The following HOOK3 variants were observed in gnomAD, a reference collection of about 807,000 sequenced individuals.
HOOK3 encodes the protein protein Hook homolog 3.
HOOK3 carries 24 observed loss-of-function variants against 116.3 expected under a neutral mutation model. The observed-to-expected ratio is 0.21, with a 90% confidence interval of 0.15 to 0.29. The LOEUF (loss-of-function observed/expected upper bound fraction) is 0.29, where lower values mean the gene tolerates loss of function less well. Among genes scored for constraint, HOOK3 ranks in the 10% least tolerant of loss-of-function variants. The probability of loss-of-function intolerance (pLI) is 1.00; values close to 1 mark genes in which losing one functional copy is unlikely to be tolerated. For synonymous variants in HOOK3, 275 were observed against 283.0 expected (o/e 0.97, Z 0.28); for missense variants, 632 against 830.2 (o/e 0.76, Z 2.93).
At chr8:42,956,046 A>G (rs1236026640) in intron 6 of HOOK3, among the ~76,000 whole-genome samples, 3 of 152,210 alleles carry the variant, frequency 2.0e-5, no homozygotes, top group Non-Finnish European at 2.9e-5. Flanking sequence ...ACATCCCCAC[A>G]TTACTGATTG....
chr8:42,925,670 A>G (rs773689140), intron 3 of HOOK3, 41 bp downstream of exon 3: 1 of 1,316,122 alleles, frequency 7.6e-7, no homozygotes, highest in Non-Finnish European at 1.1e-6. Flanking sequence ...AAATATTTGT[A>G]TGTGTATAAT....
intron 6 of HOOK3, 66 bp from the exon 7 acceptor site, chr8:42,957,023 CTTATG>C (rs1397845373): frequency 2.0e-5 from 15 of 757,126 alleles, no homozygotes; most frequent in Admixed American, 2.6e-5. Context: ...TATTCATTTT[CTTATG>C]TTAAGTATTT....
At chr8:42,934,358 G>A (rs1807925745) in intron 4 of HOOK3, among the ~76,000 whole-genome samples, 1 of 151,844 alleles carries the variant, frequency 6.6e-6, no homozygotes. Flanking sequence ...TTATCTCTAT[G>A]AGAATATTAA....
chr8:42,978,740 G>A (rs1354163203), intron 13 of HOOK3, among the ~76,000 whole-genome samples: 1 of 151,982 alleles, frequency 6.6e-6, no homozygotes, highest in Non-Finnish European at 1.5e-5. Flanking sequence ...ATAGAGAAGG[G>A]GTTTCATCAT....
chr8:43,012,511 A>G (rs1809632476), intron 19 of HOOK3, among the ~76,000 whole-genome samples: 1 of 152,224 alleles, frequency 6.6e-6, no homozygotes, highest in South Asian at 2.1e-4. Flanking sequence ...GGTTCTTTAT[A>G]TAAGTAAAAA....
In HOOK3 at chr8:43,019,253, T is replaced by C. The variant is rs1809774597; in HGVS notation, c.*755T>C. On this transcript the variant is annotated 3_prime_UTR_variant, in exon 22 of 22. Transcript: ENST00000307602. ...GGATAAATTACAAAAGAAAAAAAATTAGACACTGCATTAATTTCTTGTTCT... is the reference window on the plus strand; with the variant it reads ...GGATAAATTACAAAAGAAAAAAAATCAGACACTGCATTAATTTCTTGTTCT... 4.7e-6 allele frequency: 1 copy of C among 213,048 alleles called. No homozygotes were observed. Among genetic ancestry groups the C allele is most frequent in the Non-Finnish European group, 9.5e-6 (1 of 105,604 alleles). 13.2% of individuals were successfully genotyped at this position (213,048 alleles called of 1,614,324 possible).
chr8:42,959,634 G>A (rs1290404362), intron 8 of HOOK3, among the ~76,000 whole-genome samples: 1 of 146,858 alleles, frequency 6.8e-6, no homozygotes. Context: ...CAGGAGAATT[G>A]CTTGAACCTG....
intron 19 of HOOK3, among the ~76,000 whole-genome samples, chr8:43,011,722 T>C (rs982586923): frequency 1.3e-5 from 2 of 151,918 alleles, no homozygotes; most frequent in African/African-American, 4.8e-5. Context: ...AAAAAAAGTT[T>C]TAAAAAATTA....
chr8:42,957,960 G>A (rs1161502955), intron 7 of HOOK3, among the ~76,000 whole-genome samples: 1 of 151,596 alleles, frequency 6.6e-6, no homozygotes, highest in Non-Finnish European at 1.5e-5. Context: ...CTCCCAAGTA[G>A]CTGGGACTAC....
At chr8:42,953,842 C>G (rs1184462335) in intron 6 of HOOK3, among the ~76,000 whole-genome samples, 1 of 152,076 alleles carries the variant, frequency 6.6e-6, no homozygotes. Context: ...TAAAAAGAAA[C>G]AGAGAGTTTG....
In HOOK3 at chr8:42,986,650, T is replaced by C; in HGVS notation, c.1392-5T>C. 6.2e-7 allele frequency: 1 copy of C among 1,606,934 alleles called. No individual in the cohort carries two copies. Among genetic ancestry groups the C allele is most frequent in the South Asian group, 1.1e-5 (1 of 89,922 alleles). ...TAATATTTAGTTTTTATTTTGTTCATTCAGGGAGAAACTTATTCGTCTTCA... is the reference window on the plus strand; with the variant it reads ...TAATATTTAGTTTTTATTTTGTTCACTCAGGGAGAAACTTATTCGTCTTCA... On this transcript the variant is annotated splice_region_variant and splice_polypyrimidine_tract_variant and intron_variant, in intron 14 of 21. Transcript: ENST00000307602.
chr8:42,969,914 T>G (rs1808696899), intron 11 of HOOK3, among the ~76,000 whole-genome samples: 1 of 152,240 alleles, frequency 6.6e-6, no homozygotes, highest in South Asian at 2.1e-4. Context: ...CTATGACTTG[T>G]CCTTTTACTT....
intron 15 of HOOK3, among the ~76,000 whole-genome samples, chr8:42,996,729 CT>C (rs1809276445): frequency 1.3e-5 from 2 of 152,076 alleles, no homozygotes; most frequent in African/African-American, 4.8e-5. Context: ...TTGTTCTAGT[CT>C]CATTTCAAGC....
intron 13 of HOOK3, among the ~76,000 whole-genome samples, chr8:42,974,765 G>A (rs1456011957): frequency 6.6e-6 from 1 of 152,196 alleles, no homozygotes; most frequent in Non-Finnish European, 1.5e-5. Flanking sequence ...GCGCAAAAAG[G>A]GGAAGAGGAA....
chr8:42,964,516 T>C, intron 9 of HOOK3, 42 bp downstream of exon 9: 1 of 1,582,880 alleles, frequency 6.3e-7, no homozygotes, highest in Non-Finnish European at 8.6e-7. Context: ...AAAAATTTGT[T>C]AGCTGTCATT....
In HOOK3 at chr8:42,897,171, G is replaced by A; in HGVS notation, c.40G>A (p.Glu14Lys). ...GTCGCTGGAGCGGGCGGAGCTGTGC[G>A]AGAGCCTCCTCACTTGGGTACGTGG... ...VESLERAELC[E>K]SLLTWIQTFN... The change falls in exon 1 of 22, where the codon GAG (glutamate) becomes AAG (lysine). Residue 14 changes from glutamate (E) to lysine (K), a missense_variant. Around this residue, in one of 3 missense-constraint regions of HOOK3, gnomAD observed 141 missense variants for 150.8 expected, o/e 0.93. Transcript: ENST00000307602. 6.4e-6 allele frequency: 8 copies of A among 1,248,690 alleles called. 1 individual carries two copies. In the South Asian group the frequency reaches 3.2e-4, roughly 50 times the overall value. The allele number at this position is 1,248,690 out of a possible 1,614,324, so 77.4% of individuals were successfully genotyped here.
intron 11 of HOOK3, 134 bp from the exon 12 acceptor site, chr8:42,973,155 G>A (rs1428282760): frequency 5.3e-6 from 5 of 941,902 alleles, no homozygotes; most frequent in African/African-American, 1.7e-5. Context: ...TCTCTCCACT[G>A]TGTTAGACTG....
intron 4 of HOOK3, among the ~76,000 whole-genome samples, chr8:42,937,323 T>A (rs1379738906): frequency 4.0e-5 from 6 of 148,266 alleles, no homozygotes; most frequent in Non-Finnish European, 5.9e-5. Flanking sequence ...GTTAATCTTT[T>A]AAAAAAAAAC....
chr8:42,910,804 G>A (rs1807411315), intron 2 of HOOK3, among the ~76,000 whole-genome samples: 1 of 152,216 alleles, frequency 6.6e-6, no homozygotes, highest in Non-Finnish European at 1.5e-5. Flanking sequence ...ACCCTCAGGA[G>A]GTTGGTAAGT....
Sources: gnomAD v4.1 joint callset for allele counts (sites outside exome capture counted in the v4.1 genomes callset) on GRCh38, gnomAD v4.1.1 for gene constraint, gnomAD v4.1.1 regional missense constraint, MANE v1.5 for transcripts, NCBI Gene and HGNC (gene_info 2026-07-23, HGNC 2026-07-21) for gene names.